CPE: variants seen among roughly 807,000 people sequenced by gnomAD.
The protein encoded by CPE is carboxypeptidase E.
CPE carries 17 observed loss-of-function variants against 53.5 expected under a neutral mutation model. The observed-to-expected ratio is 0.32, with a 90% CI of 0.22 to 0.48. The LOEUF is 0.48. CPE is among the 20% of genes least tolerant of loss of function. The pLI is 0.99. For synonymous variants in CPE, 226 were observed against 228.8 expected (o/e 0.99, Z 0.11); for missense variants, 524 against 614.7 (o/e 0.85, Z 1.56).
At chr4:165,425,990 TA>T (rs1389792592) in intron 1 of CPE, among the ~76,000 whole-genome samples, 1 of 152,240 alleles carries the variant, frequency 6.6e-6, no homozygotes, top group East Asian at 1.9e-4. Flanking sequence ...ATTGCTTACT[TA>T]AAGACTTCAG....
At chr4:165,396,339 A>G (rs775563652) in intron 1 of CPE, among the ~76,000 whole-genome samples, 24 of 152,174 alleles carry the variant, frequency 1.6e-4, no homozygotes, top group Non-Finnish European at 2.9e-4. Context: ...GAAGTGAGCT[A>G]TCAAATGTTG....
intron 2 of CPE, 108 bp from the exon 3 acceptor site, chr4:165,467,580 T>C: frequency 9.5e-7 from 1 of 1,053,238 alleles, no homozygotes; most frequent in Non-Finnish European, 1.3e-6. Context: ...ATTGTTGAAG[T>C]AAATAATCTT....
intron 1 of CPE, among the ~76,000 whole-genome samples, chr4:165,422,976 C>CAAAAAA (rs58058891): frequency 3.9e-5 from 3 of 76,992 alleles, no homozygotes; most frequent in East Asian, 3.9e-4. Context: ...AACTCTGTCT[C>CAAAAAA]AAAAAAAAAA....
intron 5 of CPE, among the ~76,000 whole-genome samples, chr4:165,487,198 C>G (rs1045157321): frequency 6.6e-6 from 1 of 152,198 alleles, no homozygotes; most frequent in Non-Finnish European, 1.5e-5. Flanking sequence ...TGCATTAGCA[C>G]TCTGCAGCAG....
chr4:165,464,302 A>G (rs1022104005), intron 1 of CPE, 88 bp from the exon 2 acceptor site: 2 of 1,067,984 alleles, frequency 1.9e-6, no homozygotes, highest in Non-Finnish European at 2.6e-6. Flanking sequence ...AAAACCCATC[A>G]GATATTCATA....
At chr4:165,416,119 C>T (rs937678194) in intron 1 of CPE, among the ~76,000 whole-genome samples, 1 of 152,292 alleles carries the variant, frequency 6.6e-6, no homozygotes, top group East Asian at 1.9e-4. Context: ...CCTACTCCTG[C>T]GCCAACTCAA....
At chr4:165,418,680 T>A (rs1036355254) in intron 1 of CPE, among the ~76,000 whole-genome samples, 18 of 152,192 alleles carry the variant, frequency 1.2e-4, no homozygotes, top group Admixed American at 1.1e-3. Context: ...CTTTCCACAT[T>A]TTTGATGTAA....
chr4:165,448,111 G>A (rs1468689491), intron 1 of CPE, among the ~76,000 whole-genome samples: 1 of 152,092 alleles, frequency 6.6e-6, no homozygotes, highest in African/African-American at 2.4e-5. Context: ...AAATTATTGT[G>A]TATTTATAAA....
In CPE at chr4:165,379,502, C is replaced by G; in HGVS notation, c.281C>G (p.Ser94Cys). 1 of 1,596,978 alleles carries G rather than the reference C, an allele frequency of 6.3e-7. No homozygotes were observed. The change falls in exon 1 of 9, where the codon TCC becomes TGC. Residue 94 changes from serine to cysteine, a missense_variant. Ser to Cys is a moderately radical substitution (Grantham distance 112). Coordinates refer to ENST00000402744, the MANE Select transcript of CPE (RefSeq NM_001873.4). The surrounding 1 kb of genome is among the most constrained non-coding windows in gnomAD (Gnocchi z 6.0). ...CGGGAGCTCCTGGTCATCGAGCTGTCCGACAACCCTGGCGTCCATGAGCCT... is the reference window on the plus strand; with the variant it reads ...CGGGAGCTCCTGGTCATCGAGCTGTGCGACAACCCTGGCGTCCATGAGCCT... Reference protein sequence around the residue: ...EGRELLVIELSDNPGVHEPGE... With the variant: ...EGRELLVIELCDNPGVHEPGE...
At chr4:165,427,998 A>G (rs1158241536) in intron 1 of CPE, among the ~76,000 whole-genome samples, 6 of 143,788 alleles carry the variant, frequency 4.2e-5, no homozygotes, top group Admixed American at 4.1e-4. Context: ...TTTATGCTGT[A>G]TTTTCATCTC....
Position 165,412,550 on chromosome 4 carries a change from A to G in CPE, c.307+33022A>G, listed in dbSNP as rs142987174. 1.4e-3 allele frequency among the ~76,000 whole-genome samples: 214 copies of G among 152,290 alleles called. 2 individuals are homozygous for G. Among genetic ancestry groups the G allele is most frequent in the African/African-American group, 4.9e-3 (204 of 41,554 alleles). ...AACTGAGGCACAGAGGAGTTGTGTTACTTGCTCAGAGTTTTCATAGTCAGG... is the reference window on the plus strand; with the variant it reads ...AACTGAGGCACAGAGGAGTTGTGTTGCTTGCTCAGAGTTTTCATAGTCAGG... On this transcript the variant is annotated intron_variant, in intron 1 of 8. Transcript: ENST00000402744.
At chr4:165,442,033 T>TG (rs1325836245) in intron 1 of CPE, among the ~76,000 whole-genome samples, 2 of 105,122 alleles carry the variant, frequency 1.9e-5, no homozygotes, top group African/African-American at 4.5e-5. Flanking sequence ...GTTTTTTTTT[T>TG]TTGTTTTTTT....
intron 1 of CPE, among the ~76,000 whole-genome samples, chr4:165,424,984 C>T (rs1174795707): frequency 6.6e-6 from 1 of 150,726 alleles, no homozygotes; most frequent in African/African-American, 2.4e-5. Context: ...AAATGATTCT[C>T]CCGCCTCAGG....
intron 6 of CPE, among the ~76,000 whole-genome samples, chr4:165,489,725 C>A (rs1160186676): frequency 1.3e-5 from 2 of 152,164 alleles, no homozygotes; most frequent in Non-Finnish European, 2.9e-5. Flanking sequence ...AACACGTCTT[C>A]TTACCATCAG....
intron 1 of CPE, among the ~76,000 whole-genome samples, chr4:165,459,355 T>C (rs959571191): frequency 7.9e-5 from 12 of 152,202 alleles, no homozygotes; most frequent in African/African-American, 2.9e-4. Context: ...TTAAATGTTC[T>C]GTGATACGGA....
At chr4:165,385,296 A>G (rs1730572602) in intron 1 of CPE, among the ~76,000 whole-genome samples, 1 of 151,970 alleles carries the variant, frequency 6.6e-6, no homozygotes, top group South Asian at 2.1e-4. Context: ...TAGAGTAGGC[A>G]CTCTTGGCTG....
intron 3 of CPE, among the ~76,000 whole-genome samples, chr4:165,479,136 G>C (rs1732356502): frequency 6.6e-6 from 1 of 152,184 alleles, no homozygotes; most frequent in South Asian, 2.1e-4. Flanking sequence ...TTATAGAAGA[G>C]TGTGTTAAAC....
intron 1 of CPE, among the ~76,000 whole-genome samples, chr4:165,383,943 G>C (rs1355378323): frequency 6.6e-6 from 1 of 152,184 alleles, no homozygotes; most frequent in Non-Finnish European, 1.5e-5. Flanking sequence ...GTTCTTGATT[G>C]ACTTGTAATT....
At chr4:165,464,344 C>T (rs1732060965) in intron 1 of CPE, 46 bp from the exon 2 acceptor site, 1 of 1,460,756 alleles carries the variant, frequency 6.8e-7, no homozygotes, top group African/African-American at 1.4e-5. Context: ...ATATTTGGCT[C>T]TGTATGTCAT....
Sources: allele counts gnomAD v4.1 joint callset (sites outside exome capture counted in the v4.1 genomes callset), GRCh38; gene constraint gnomAD v4.1.1; non-coding constraint Gnocchi (gnomAD v3.1); transcripts MANE v1.5; gene names NCBI Gene and HGNC (gene_info 2026-07-23, HGNC 2026-07-21).